Variants in SLIT3 observed in about 807,000 individuals in gnomAD.
SLIT3 encodes the protein slit homolog 3 protein.
A neutral mutation model predicts 184.0 loss-of-function variants in SLIT3; 68 were observed. The observed-to-expected ratio is 0.37, with a 90% CI of 0.30 to 0.45. SLIT3 has a LOEUF of 0.45. Ranked by LOEUF, SLIT3 falls within the 20% of genes least tolerant of loss-of-function variation. The pLI is 1.00. For synonymous variants in SLIT3, 831 were observed against 828.6 expected (o/e 1.00, Z -0.05); for missense variants, 1,707 against 2,026.0 (o/e 0.84, Z 3.02).
At chr5:169,099,512 G>A (rs560970991) in intron 4 of SLIT3, among the ~76,000 whole-genome samples, 1 of 152,302 alleles carries the variant, frequency 6.6e-6, no homozygotes, top group South Asian at 2.1e-4. Context: ...TCACAGTGCT[G>A]ACTGTTTTCT....
chr5:169,211,068 T>C (rs1045686290), intron 3 of SLIT3, among the ~76,000 whole-genome samples: 1 of 152,076 alleles, frequency 6.6e-6, no homozygotes, highest in African/African-American at 2.4e-5. Flanking sequence ...AGAACCCAAA[T>C]AGAAGGAGAA....
At chr5:168,897,999 C>T (rs1760743534) in intron 4 of SLIT3, among the ~76,000 whole-genome samples, 1 of 152,220 alleles carries the variant, frequency 6.6e-6, no homozygotes, top group South Asian at 2.1e-4. Context: ...TCCTTCCAGT[C>T]CCCCTCAGCT....
At position 168,833,231 on chromosome 5, in the gene SLIT3, A is replaced by G. The variant is rs538080678; in HGVS notation, c.558-9900T>C. 6.6e-5 allele frequency among the ~76,000 whole-genome samples: 10 copies of G among 152,346 alleles called. No individual in the cohort carries two copies. The South Asian group carries it at 2.1e-3, about 32-fold the overall frequency. On this transcript the variant is annotated intron_variant, in intron 6 of 35. Transcript: ENST00000519560. The stretch of plus-strand genomic sequence containing the variant: ...ATAGGCCACTTTTTGTGGACAGTCG[A>G]AACTGAGCCACTTCAGAGCTGTTAG...
chr5:169,171,240 T>C (rs777138443), intron 4 of SLIT3, among the ~76,000 whole-genome samples: 2 of 152,226 alleles, frequency 1.3e-5, no homozygotes, highest in African/African-American at 4.8e-5. Context: ...CAACACTTTG[T>C]AAGGATTATT....
chr5:168,909,517 G>A (rs1761186643), intron 4 of SLIT3, among the ~76,000 whole-genome samples: 1 of 152,162 alleles, frequency 6.6e-6, no homozygotes, highest in Non-Finnish European at 1.5e-5. Flanking sequence ...TAAGGCCCCT[G>A]TGTCCACTGC....
At chr5:168,862,509 T>C (rs2113750804) in intron 5 of SLIT3, among the ~76,000 whole-genome samples, 1 of 152,290 alleles carries the variant, frequency 6.6e-6, no homozygotes, top group African/African-American at 2.4e-5. Flanking sequence ...AGAAACTAAT[T>C]ACAGTTAATT....
intron 4 of SLIT3, among the ~76,000 whole-genome samples, chr5:168,997,489 G>A (rs1755555125): frequency 6.6e-6 from 1 of 152,296 alleles, no homozygotes; most frequent in East Asian, 1.9e-4. Flanking sequence ...GATGGGGGTA[G>A]AGGGAGGTAT....
intron 20 of SLIT3, among the ~76,000 whole-genome samples, chr5:168,737,739 C>T (rs11743823): frequency 0.22 from 32,776 of 152,114 alleles, 4,635 homozygotes; most frequent in East Asian, 0.56. Flanking sequence ...CTTCTCTAAC[C>T]GTTATGAAGA....
intron 5 of SLIT3, among the ~76,000 whole-genome samples, chr5:168,868,480 C>A (rs972092201): frequency 2.6e-5 from 4 of 152,008 alleles, no homozygotes; most frequent in Non-Finnish European, 4.4e-5. Flanking sequence ...CCGGGCGCAG[C>A]GGCTCACGCC....
intron 16 of SLIT3, among the ~76,000 whole-genome samples, chr5:168,754,289 A>G (rs748236471): frequency 4.6e-4 from 70 of 152,232 alleles, no homozygotes; most frequent in Non-Finnish European, 7.1e-4. Context: ...TATATGCACA[A>G]TGGAAGACTA....
intron 9 of SLIT3, among the ~76,000 whole-genome samples, chr5:168,799,866 C>T (rs1390927911): frequency 1.3e-5 from 2 of 152,090 alleles, no homozygotes; most frequent in African/African-American, 2.4e-5. Context: ...ACGAAGAGGT[C>T]AATTTTCCTA....
chr5:169,168,294 T>C (rs2113410384), intron 4 of SLIT3, among the ~76,000 whole-genome samples: 1 of 152,354 alleles, frequency 6.6e-6, no homozygotes, highest in South Asian at 2.1e-4. Context: ...CAAATCATTC[T>C]TAATAAGGTG....
chr5:168,827,070 G>A (rs537254781), intron 6 of SLIT3, among the ~76,000 whole-genome samples: 7 of 152,194 alleles, frequency 4.6e-5, no homozygotes, highest in Admixed American at 2.0e-4. Flanking sequence ...AGCCTGTATC[G>A]TTTCATTTAA....
chr5:169,086,486 T>G (rs1759302839), intron 4 of SLIT3, among the ~76,000 whole-genome samples: 1 of 152,254 alleles, frequency 6.6e-6, no homozygotes, highest in Admixed American at 6.5e-5. Flanking sequence ...GAAAATTCAT[T>G]TGTAAAAAGT....
At chr5:168,891,829 T>C (rs1760474492) in intron 4 of SLIT3, among the ~76,000 whole-genome samples, 1 of 152,224 alleles carries the variant, frequency 6.6e-6, no homozygotes, top group South Asian at 2.1e-4. Context: ...TTCCAAAGAT[T>C]GCAAACTCAG....
intron 4 of SLIT3, among the ~76,000 whole-genome samples, chr5:169,014,295 C>T (rs1756281272): frequency 1.3e-5 from 2 of 152,118 alleles, no homozygotes; most frequent in East Asian, 3.9e-4. Flanking sequence ...TCTCTCTCTC[C>T]AGCTATATAT....
chr5:169,018,998 G>T (rs562043870), intron 4 of SLIT3, among the ~76,000 whole-genome samples: 4 of 152,266 alleles, frequency 2.6e-5, no homozygotes, highest in African/African-American at 9.6e-5. Context: ...GTCACGCCCC[G>T]AGTCTCCAGG....
chr5:169,219,250 C>T (rs1764544244), intron 3 of SLIT3, among the ~76,000 whole-genome samples: 1 of 152,206 alleles, frequency 6.6e-6, no homozygotes, highest in African/African-American at 2.4e-5. Context: ...TGCTGACAGG[C>T]AGAATAAGGT....
chr5:168,681,742 C>T (rs1208848299), intron 32 of SLIT3, among the ~76,000 whole-genome samples: 3 of 152,254 alleles, frequency 2.0e-5, no homozygotes, highest in African/African-American at 7.2e-5. Context: ...TGACAGCTAA[C>T]GTCAGCAGAG....
Sources: gnomAD v4.1 joint callset for allele counts (sites outside exome capture counted in the v4.1 genomes callset) on GRCh38, gnomAD v4.1.1 for gene constraint, MANE v1.5 for transcripts, NCBI Gene and HGNC (gene_info 2026-07-23, HGNC 2026-07-21) for gene names.